Variants in SPATA22 observed in about 807,000 individuals in gnomAD.
The protein encoded by SPATA22 is spermatogenesis-associated protein 22.
Under a neutral mutation model 47.8 loss-of-function variants are expected in SPATA22, and 29 were observed. The ratio of observed to expected loss-of-function variants is 0.61; its 90% CI spans 0.45 to 0.83. The LOEUF (loss-of-function observed/expected upper bound fraction) is 0.83, where lower values mean the gene tolerates loss of function less well. Among genes scored for constraint, SPATA22 ranks in the 40% least tolerant of loss-of-function variants. The pLI is 0.00. For synonymous variants in SPATA22, 133 were observed against 140.9 expected (o/e 0.94, Z 0.40); for missense variants, 410 against 421.7 (o/e 0.97, Z 0.24).
chr17:3,484,043 G>A (rs2073679234), intron 1 of SPATA22, among the ~76,000 whole-genome samples: 1 of 152,140 alleles, frequency 6.6e-6, no homozygotes, highest in Admixed American at 6.5e-5. Flanking sequence ...TTAGCTCCAG[G>A]CAGGCTCTAA....
In SPATA22 at chr17:3,471,741, C is replaced by T. The variant is rs2073441787; in HGVS notation, c.-133G>A. ...CACACAACTTTCGCCCTCAGTTTCC[C>T]TCGCCTCCGTCAACCGTCGTCCAGG... On this transcript the variant is annotated 5_prime_UTR_variant, in exon 1 of 9. Transcript: ENST00000572969. The T allele has an allele frequency of 3.0e-6, 3 of 985,576 alleles. No individual in the cohort carries two copies. Among genetic ancestry groups the T allele is most frequent in the South Asian group, 9.4e-5 (2 of 21,298 alleles). 61.1% of individuals were successfully genotyped at this position (985,576 alleles called of 1,614,324 possible).
chr17:3,441,468 C>T (rs1337105388), intron 8 of SPATA22: 1 of 151,978 alleles, frequency 6.6e-6, no homozygotes. Flanking sequence ...ACTAAATTTA[C>T]TCATCAGAAT....
chr17:3,442,528 C>A (rs1236564565), intron 8 of SPATA22, among the ~76,000 whole-genome samples: 2 of 151,524 alleles, frequency 1.3e-5, no homozygotes, highest in Non-Finnish European at 3.0e-5. Flanking sequence ...GCAATCTCCA[C>A]ACTTCTATGT....
intron 8 of SPATA22, 24 bp downstream of exon 8, chr17:3,443,150 A>T: frequency 6.6e-7 from 1 of 1,518,628 alleles, no homozygotes; most frequent in Non-Finnish European, 9.1e-7. Context: ...TAGGCTTCGC[A>T]AAGAGTACTT....
chr17:3,496,848 C>T (rs1282068433), intron 1 of SPATA22, among the ~76,000 whole-genome samples: 4 of 152,294 alleles, frequency 2.6e-5, no homozygotes, highest in South Asian at 2.1e-4. Flanking sequence ...GGGCGGATCA[C>T]GCGGTCAGGA....
chr17:3,493,560 C>CAAAAAAAAAAAAA (rs746229421), intron 1 of SPATA22, among the ~76,000 whole-genome samples: 1 of 56,370 alleles, frequency 1.8e-5, no homozygotes, highest in African/African-American at 7.4e-5. Flanking sequence ...GGTTCCATCT[C>CAAAAAAAAAAAAA]AAAAAAAAAA....
At chr17:3,468,616 T>A (rs1182167565) in intron 2 of SPATA22, among the ~76,000 whole-genome samples, 1 of 152,206 alleles carries the variant, frequency 6.6e-6, no homozygotes, top group Non-Finnish European at 1.5e-5. Context: ...GATAGCATAA[T>A]GATTAAGAGC....
intron 1 of SPATA22, among the ~76,000 whole-genome samples, chr17:3,496,075 G>A (rs987334813): frequency 6.6e-6 from 1 of 152,212 alleles, no homozygotes; most frequent in Non-Finnish European, 1.5e-5. Context: ...GAGATCAGTA[G>A]CAAACTGGGC....
At chr17:3,468,814 T>A (rs942474195) in intron 2 of SPATA22, 1 of 537,678 alleles carries the variant, frequency 1.9e-6, no homozygotes, top group African/African-American at 2.0e-5. Flanking sequence ...ATACAGTTAA[T>A]CCACCATAAA....
chr17:3,484,346 G>A (rs538130731), intron 1 of SPATA22, among the ~76,000 whole-genome samples: 2 of 152,238 alleles, frequency 1.3e-5, no homozygotes, highest in African/African-American at 2.4e-5. Context: ...AAACAGCTTC[G>A]TATGTGATGA....
chr17:3,470,676 G>A (rs2073409618), intron 1 of SPATA22, among the ~76,000 whole-genome samples: 4 of 152,142 alleles, frequency 2.6e-5, no homozygotes, highest in Admixed American at 2.0e-4. Context: ...GCATGAACTC[G>A]GGAGGCGGAG....
chr17:3,488,152 T>C lies in SPATA22; in HGVS notation c.-73-18754A>G, dbSNP rs1228890000. On this transcript the variant is annotated intron_variant, in intron 1 of 8. Coordinates refer to the SPATA22 transcript ENST00000541913. This position sits in a 1 kb window ranked among gnomAD's most constrained non-coding sequence, Gnocchi z 6.1. ...GAGAATGAGGGTAGTGCAGTTGGGG[T>C]AAATGGTTTGCCAAATAGAGAAGGT... Among the ~76,000 whole-genome samples, 2 of 152,034 alleles carry C rather than the reference T, an allele frequency of 1.3e-5. No homozygotes were observed. The highest frequency in any genetic ancestry group is 2.9e-5 in the Non-Finnish European group (2 of 68,006).
At position 3,490,962 on chromosome 17, in the gene SPATA22, G is replaced by A. The variant is rs973773078; in HGVS notation, c.-73-21564C>T. On this transcript the variant is annotated intron_variant, in intron 1 of 8. Transcript: ENST00000541913. The surrounding 1 kb of genome is among the most constrained non-coding windows in gnomAD (Gnocchi z 4.6). Reference sequence around the variant, plus strand: ...AAAATTGTCAACCACGATTAATTTAGACTATCCAGCTTGGTGGATTTTCAA... The same window carrying A: ...AAAATTGTCAACCACGATTAATTTAAACTATCCAGCTTGGTGGATTTTCAA... Among the ~76,000 whole-genome samples the A allele has an allele frequency of 7.9e-5, 12 of 152,118 alleles. No individual in the cohort carries two copies. Among genetic ancestry groups the A allele is most frequent in the African/African-American group, 2.9e-4 (12 of 41,430 alleles).
chr17:3,488,150 G>A lies in SPATA22; in HGVS notation c.-73-18752C>T, dbSNP rs1486276343. Among the ~76,000 whole-genome samples, 1 of 152,134 alleles carries A rather than the reference G, an allele frequency of 6.6e-6. No individual in the cohort carries two copies. Among genetic ancestry groups the A allele is most frequent in the Non-Finnish European group, 1.5e-5 (1 of 68,020 alleles). ...AAGAGAATGAGGGTAGTGCAGTTGG[G>A]GTAAATGGTTTGCCAAATAGAGAAG... On this transcript the variant is annotated intron_variant, in intron 1 of 8. Transcript: ENST00000541913. The surrounding 1 kb of genome is among the most constrained non-coding windows in gnomAD (Gnocchi z 6.1).
At chr17:3,453,841 C>A (rs545177121) in intron 5 of SPATA22, among the ~76,000 whole-genome samples, 3 of 152,036 alleles carry the variant, frequency 2.0e-5, no homozygotes, top group African/African-American at 4.8e-5. Context: ...ATATTTCAGA[C>A]AAGTAATACT....
intron 1 of SPATA22, among the ~76,000 whole-genome samples, chr17:3,509,379 A>G (rs1423312345): frequency 6.6e-6 from 1 of 151,728 alleles, no homozygotes; most frequent in Non-Finnish European, 1.5e-5. Context: ...ATATGTTCTC[A>G]ATGTTCAATT....
intron 1 of SPATA22, among the ~76,000 whole-genome samples, chr17:3,486,898 G>A (rs142687726): frequency 3.9e-5 from 6 of 152,292 alleles, no homozygotes; most frequent in African/African-American, 1.4e-4. Context: ...AGAATATTTA[G>A]ATTGTAGGAC....
Position 3,488,913 on chromosome 17 carries a change from A to G in SPATA22, c.-73-19515T>C, listed in dbSNP as rs3744670. ...CATAAACTTGTTCACCTTTTTTACT[A>G]TGTTATGACTTTTAAATATTTTAGC... is the stretch of plus-strand genomic sequence containing the variant. On this transcript the variant is annotated intron_variant, in intron 1 of 8. Transcript: ENST00000541913. This position sits in a 1 kb window ranked among gnomAD's most constrained non-coding sequence, Gnocchi z 6.1. Among the ~76,000 whole-genome samples the G allele has an allele frequency of 0.041, 6,308 of 152,096 alleles. 197 individuals carry two copies. The highest frequency in any genetic ancestry group is 0.11 in the East Asian group (574 of 5,168).
chr17:3,462,741 C>A lies in SPATA22; in HGVS notation c.199G>T (p.Glu67Ter). 6.2e-7 allele frequency: 1 copy of A among 1,613,578 alleles called. No individual in the cohort carries two copies. Among genetic ancestry groups the A allele is most frequent in the Non-Finnish European group, 8.5e-7 (1 of 1,179,502 alleles). Residue 67 changes from glutamate to a stop codon, truncating the protein, a stop_gained, in exon 4 of 9, where the codon GAG (glutamate) becomes TAG (stop). Coordinates refer to ENST00000572969, the MANE Select transcript of SPATA22 (RefSeq NM_001170698.2). LOFTEE classifies it high-confidence loss of function. ...ACTGTTTTCATTACAGGAGCCAACT[C>A]TGGATTCACAGCTTCCCAGGCCCAA... ...TDWAWEAVNP[E>*]LAPVMKTVDT... is the part of the protein sequence containing the mutation.
Sources: allele counts gnomAD v4.1 joint callset (sites outside exome capture counted in the v4.1 genomes callset), GRCh38; gene constraint gnomAD v4.1.1; non-coding constraint Gnocchi (gnomAD v3.1); transcripts MANE v1.5; gene names NCBI Gene and HGNC (gene_info 2026-07-23, HGNC 2026-07-21).